TRPM3: variants seen among roughly 807,000 people sequenced by gnomAD.
TRPM3 encodes the protein long transient receptor potential channel 3.
A neutral mutation model predicts 181.2 loss-of-function variants in TRPM3; 77 were observed. The observed-to-expected ratio is 0.42, with a 90% confidence interval of 0.35 to 0.51. The LOEUF is 0.51. Ranked by LOEUF, TRPM3 falls within the 20% of genes least tolerant of loss-of-function variation. The pLI is 0.01. For missense variants in TRPM3, 1,759 were observed against 2,196.7 expected (o/e 0.80, Z 3.98); for synonymous variants, 745 against 796.4 (o/e 0.94, Z 1.09).
intron 6 of TRPM3, among the ~76,000 whole-genome samples, chr9:70,803,425 C>T (rs185639411): frequency 0.017 from 2,516 of 150,590 alleles, 24 homozygotes; most frequent in Non-Finnish European, 0.026. Flanking sequence ...GCCTGAGCTC[C>T]GCCCCCCACC....
intron 1 of TRPM3, among the ~76,000 whole-genome samples, chr9:71,344,049 T>C (rs1381501875): frequency 6.6e-6 from 1 of 151,782 alleles, no homozygotes; most frequent in Non-Finnish European, 1.5e-5. Flanking sequence ...TTAGATTAGA[T>C]TGATAGATAG....
At chr9:70,737,948 A>G (rs1253549566) in intron 8 of TRPM3, among the ~76,000 whole-genome samples, 1 of 152,216 alleles carries the variant, frequency 6.6e-6, no homozygotes, top group East Asian at 1.9e-4. Context: ...CTCCACTGAC[A>G]GCACCAGACA....
intron 1 of TRPM3, among the ~76,000 whole-genome samples, chr9:71,095,004 A>G (rs1349111590): frequency 6.6e-6 from 1 of 152,158 alleles, no homozygotes; most frequent in Non-Finnish European, 1.5e-5. Context: ...TCCTCTTAGC[A>G]TACTCCATCC....
intron 1 of TRPM3, among the ~76,000 whole-genome samples, chr9:71,374,398 A>C (rs534879640): frequency 1.3e-5 from 2 of 152,126 alleles, no homozygotes; most frequent in African/African-American, 4.8e-5. Context: ...CAAACAAAAA[A>C]CAAAACAAAA....
At chr9:71,088,583 T>C (rs2065670530) in intron 1 of TRPM3, among the ~76,000 whole-genome samples, 2 of 152,106 alleles carry the variant, frequency 1.3e-5, no homozygotes, top group Admixed American at 1.3e-4. Flanking sequence ...ATAACATTAC[T>C]TAATTGTAGA....
chr9:70,922,688 A>G (rs563945052), intron 1 of TRPM3, among the ~76,000 whole-genome samples: 1 of 152,262 alleles, frequency 6.6e-6, no homozygotes, highest in African/African-American at 2.4e-5. Context: ...ACCTTCATAC[A>G]CTGATACTCC....
At chr9:70,972,944 C>T (rs1382516353) in intron 1 of TRPM3, among the ~76,000 whole-genome samples, 2 of 152,162 alleles carry the variant, frequency 1.3e-5, no homozygotes, top group Non-Finnish European at 2.9e-5. Context: ...CTAACCCCTA[C>T]ATAAGACACA....
chr9:70,909,072 C>T (rs1217550392), intron 1 of TRPM3, among the ~76,000 whole-genome samples: 2 of 152,174 alleles, frequency 1.3e-5, no homozygotes, highest in Non-Finnish European at 2.9e-5. Context: ...AACACAATAG[C>T]ATGAACTGCA....
At chr9:70,952,163 T>C (rs2097009744) in intron 1 of TRPM3, among the ~76,000 whole-genome samples, 1 of 152,178 alleles carries the variant, frequency 6.6e-6, no homozygotes, top group Admixed American at 6.6e-5. Context: ...GATGAACCCA[T>C]GGCATTAATG....
At chr9:70,840,021 A>AATCTTCACTT (rs1451394364) in intron 5 of TRPM3, among the ~76,000 whole-genome samples, 1 of 152,120 alleles carries the variant, frequency 6.6e-6, no homozygotes, top group Non-Finnish European at 1.5e-5. Context: ...TTTTGAGGGG[A>AATCTTCACTT]ATCTTCACTA....
At chr9:71,232,543 G>A (rs1001778852) in intron 1 of TRPM3, among the ~76,000 whole-genome samples, 7 of 124,586 alleles carry the variant, frequency 5.6e-5, no homozygotes, top group African/African-American at 1.9e-4. Flanking sequence ...CTCTGTCGCC[G>A]AGGCTGGAGT....
intron 1 of TRPM3, among the ~76,000 whole-genome samples, chr9:70,934,871 C>CA (rs2096811079): frequency 6.6e-6 from 1 of 151,792 alleles, no homozygotes; most frequent in Admixed American, 6.6e-5. Context: ...CCTCCTCCCC[C>CA]CAAAAAAAAT....
At chr9:70,779,578 T>A (rs1284265871) in intron 7 of TRPM3, among the ~76,000 whole-genome samples, 2 of 152,232 alleles carry the variant, frequency 1.3e-5, no homozygotes, top group East Asian at 3.9e-4. Context: ...CAAAGTAATC[T>A]CTGATTTCAA....
At chr9:70,812,509 A>G (rs1042343492) in intron 6 of TRPM3, among the ~76,000 whole-genome samples, 3 of 152,280 alleles carry the variant, frequency 2.0e-5, no homozygotes, top group Admixed American at 6.5e-5. Flanking sequence ...ACTACTGTAC[A>G]TTTTCCAGAG....
intron 1 of TRPM3, among the ~76,000 whole-genome samples, chr9:71,135,541 A>G (rs2074711384): frequency 6.6e-6 from 1 of 152,186 alleles, no homozygotes; most frequent in East Asian, 1.9e-4. Context: ...ACTGAGTCTC[A>G]GATTCTTTCC....
intron 1 of TRPM3, among the ~76,000 whole-genome samples, chr9:71,058,391 A>C (rs970257487): frequency 2.0e-5 from 3 of 152,034 alleles, no homozygotes; most frequent in African/African-American, 7.2e-5. Flanking sequence ...ACAGCTGCAC[A>C]GCTGCAGGAG....
intron 1 of TRPM3, among the ~76,000 whole-genome samples, chr9:70,899,740 A>G (rs1372859440): frequency 6.6e-6 from 1 of 152,202 alleles, no homozygotes; most frequent in South Asian, 2.1e-4. Context: ...CTTGTTTGAG[A>G]GTTGGTCTCA....
rs1247744472 is a variant in TRPM3, at chr9:70,534,703, T to A, written c.*1250A>T. On this transcript the variant is annotated 3_prime_UTR_variant, in exon 26 of 26. Transcript: ENST00000677713. ...AAACTCCCAGTCAAATCTAAGGTTA[T>A]TTATAGTTTTGAAACTTCCTTAAAA... The A allele has an allele frequency of 6.6e-6, 1 of 152,228 alleles. No homozygotes were observed. Among genetic ancestry groups the A allele is most frequent in the Non-Finnish European group, 1.5e-5 (1 of 68,040 alleles). 9.4% of individuals were successfully genotyped at this position (152,228 alleles called of 1,614,324 possible). A position where few individuals can be genotyped will look rare whatever the true frequency, so the allele number is the denominator to read the frequency against.
At chr9:70,866,283 T>C (rs2095648399) in intron 1 of TRPM3, among the ~76,000 whole-genome samples, 1 of 152,028 alleles carries the variant, frequency 6.6e-6, no homozygotes, top group African/African-American at 2.4e-5. Flanking sequence ...GTGTTCAACT[T>C]TGGCCAACAT....
Sources: allele counts gnomAD v4.1 joint callset (sites outside exome capture counted in the v4.1 genomes callset), GRCh38; gene constraint gnomAD v4.1.1; transcripts MANE v1.5; gene names NCBI Gene and HGNC (gene_info 2026-07-23, HGNC 2026-07-21).